Variants in SFSWAP observed in about 807,000 individuals in gnomAD.
The protein encoded by SFSWAP is splicing factor SWAP, also known as splicing factor, suppressor of white-apricot homolog.
Under a neutral mutation model 100.7 loss-of-function variants are expected in SFSWAP, and 17 were observed. The observed-to-expected ratio is 0.17, with a 90% confidence interval of 0.12 to 0.25. The LOEUF (loss-of-function observed/expected upper bound fraction) is 0.25. Among genes scored for constraint, SFSWAP ranks in the 10% least tolerant of loss-of-function variants. SFSWAP has a pLI of 1.00. For synonymous variants in SFSWAP, 504 were observed against 510.1 expected, an observed-to-expected ratio of 0.99 and a Z score of 0.16; for missense variants, 1,005 against 1,262.6, an observed-to-expected ratio of 0.80 and a Z score of 3.09.
chr12:131,726,835 G>A (rs763267142), intron 5 of SFSWAP, 105 bp from the exon 6 acceptor site: 14 of 732,298 alleles, frequency 1.9e-5, no homozygotes, highest in Non-Finnish European at 3.3e-5. Flanking sequence ...GTGTTTTTTC[G>A]ACAGATAACC....
Position 131,794,610 on chromosome 12 carries a change from T to C in SFSWAP, c.2535-2568T>C, listed in dbSNP as rs1444216438. ...GCGTGGGGTTTGTCTACATAGAGCT[T>C]TAAGCTGTGTCCTAGAAACCAGAGC... On this transcript the variant is annotated intron_variant, in intron 15 of 17. Transcript: ENST00000261674. The surrounding 1 kb of genome is among the most constrained non-coding windows in gnomAD (Gnocchi z 4.8). Among the ~76,000 whole-genome samples, 1 of 152,128 alleles carries C rather than the reference T, an allele frequency of 6.6e-6. No individual in the cohort carries two copies. The highest frequency in any genetic ancestry group is 2.4e-5 in the African/African-American group (1 of 41,424).
intron 13 of SFSWAP, among the ~76,000 whole-genome samples, chr12:131,775,884 G>A (rs897023022): frequency 1.9e-4 from 29 of 150,158 alleles, no homozygotes; most frequent in African/African-American, 6.4e-4. Context: ...GAGGCCAGGA[G>A]TTTGAGACCA....
At chr12:131,785,457 CTCT>C (rs1365041101) in intron 14 of SFSWAP, 5 of 450,620 alleles carry the variant, frequency 1.1e-5, no homozygotes, top group Non-Finnish European at 2.0e-5. Context: ...AATCAAACCG[CTCT>C]TCTTTATATT....
Position 131,730,526 on chromosome 12 carries a change from A to G in SFSWAP, c.1081+2098A>G, listed in dbSNP as rs1312572167. On this transcript the variant is annotated intron_variant, in intron 7 of 17. Transcript: ENST00000261674. This position sits in a 1 kb window ranked among gnomAD's most constrained non-coding sequence, Gnocchi z 4.0. Reference sequence around the variant, plus strand: ...TAGTGGCCGTTCTGTGACACACAGCATCCCCTGGTCTGGTGGGAATGTGAT... The same window carrying G: ...TAGTGGCCGTTCTGTGACACACAGCGTCCCCTGGTCTGGTGGGAATGTGAT... Among the ~76,000 whole-genome samples, 1 of 152,198 alleles carries G rather than the reference A, an allele frequency of 6.6e-6. No individual in the cohort carries two copies. The highest frequency in any genetic ancestry group is 1.5e-5 in the Non-Finnish European group (1 of 68,024).
Position 131,764,637 on chromosome 12 carries a change from TGAG to T in SFSWAP, c.1906_1908del (p.Glu636del), listed in dbSNP as rs1348330068. 1.2e-5 allele frequency: 20 copies of T among 1,614,162 alleles called. No homozygotes were observed. The highest frequency in any genetic ancestry group is 1.6e-5 in the Non-Finnish European group (19 of 1,180,022). On this transcript the variant is annotated inframe_deletion, in exon 12 of 18. Coordinates refer to ENST00000261674, the MANE Select transcript of SFSWAP (RefSeq NM_004592.4). The stretch of plus-strand genomic sequence containing the variant: ...CAGTTGCCCCACCCTGTGTAGTTGT[TGAG>T]GAGAAGAAGCCTCAACTTACCCAGG...
rs532801019 is a variant in SFSWAP, at chr12:131,733,362, G to T, written c.1081+4934G>T. On this transcript the variant is annotated intron_variant, in intron 7 of 17. Transcript: ENST00000261674. The surrounding 1 kb of genome is among the most constrained non-coding windows in gnomAD (Gnocchi z 5.1). ...CCTATAAGGCGCCTTTCACATTGAG[G>T]GTCTTAGGATTTGCAGTCCAGCTTT... Among the ~76,000 whole-genome samples the T allele has an allele frequency of 4.6e-5, 7 of 152,258 alleles. No individual in the cohort carries two copies. The highest frequency in any genetic ancestry group is 4.6e-4 in the Admixed American group (7 of 15,300).
At chr12:131,768,773 T>C (rs1345688535) in intron 13 of SFSWAP, among the ~76,000 whole-genome samples, 1 of 152,228 alleles carries the variant, frequency 6.6e-6, no homozygotes, top group Non-Finnish European at 1.5e-5. Context: ...GGCTGCCTCC[T>C]GGCTCCTCAC....
rs1884230300 is a variant in SFSWAP at position 131,778,770 on chromosome 12, G to A, written c.2408+440G>A. On this transcript the variant is annotated intron_variant, in intron 14 of 17. Transcript: ENST00000261674. The surrounding 1 kb of genome is among the most constrained non-coding windows in gnomAD (Gnocchi z 4.2). ...TGACCTCAGGTAATCCACCCACCTT[G>A]GCCTCCCAGAGTGCTGGGATTACAG... Among the ~76,000 whole-genome samples the A allele has an allele frequency of 6.6e-6, 1 of 152,042 alleles. No homozygotes were observed. The highest frequency in any genetic ancestry group is 1.5e-5 in the Non-Finnish European group (1 of 68,012).
intron 14 of SFSWAP, among the ~76,000 whole-genome samples, chr12:131,780,808 C>G (rs1884438162): frequency 6.6e-6 from 1 of 152,200 alleles, no homozygotes; most frequent in Non-Finnish European, 1.5e-5. Flanking sequence ...TCTACAGGCT[C>G]AAAAGGAAGC....
intron 7 of SFSWAP, among the ~76,000 whole-genome samples, chr12:131,746,535 C>T (rs1299140998): frequency 2.0e-5 from 3 of 152,224 alleles, no homozygotes; most frequent in Non-Finnish European, 4.4e-5. Context: ...CAGTGCTTTT[C>T]TGTGACTTCT....
chr12:131,769,536 A>G (rs1397668905), intron 13 of SFSWAP, among the ~76,000 whole-genome samples: 2 of 152,250 alleles, frequency 1.3e-5, no homozygotes, highest in Non-Finnish European at 2.9e-5. Context: ...GTAGTTCCGC[A>G]TCACAGCAAC....
chr12:131,711,536 A>C lies in SFSWAP; in HGVS notation c.218+89A>C. 9.0e-7 allele frequency: 1 copy of C among 1,107,610 alleles called. No homozygotes were observed. The highest frequency in any genetic ancestry group is 1.3e-6 in the Non-Finnish European group (1 of 754,982). The allele number at this position is 1,107,610 out of a possible 1,614,324, so 68.6% of individuals were successfully genotyped here. A position where few individuals can be genotyped will look rare whatever the true frequency, so the allele number is the denominator to read the frequency against. ...TGACTTGACTGCAAGGACTGCAGAG[A>C]GTTTTCTGGAGCCAGCGGGGATCTG... is the stretch of plus-strand genomic sequence containing the variant. On this transcript the variant is annotated intron_variant, in intron 1 of 17. Transcript: ENST00000261674. This position sits in a 1 kb window ranked among gnomAD's most constrained non-coding sequence, Gnocchi z 4.9.
intron 13 of SFSWAP, among the ~76,000 whole-genome samples, chr12:131,777,634 T>C (rs901861512): frequency 6.6e-6 from 1 of 152,250 alleles, no homozygotes; most frequent in Non-Finnish European, 1.5e-5. Flanking sequence ...AGCAGCATGA[T>C]TTACAATCCT....
intron 4 of SFSWAP, among the ~76,000 whole-genome samples, chr12:131,724,950 A>T (rs1878816444): frequency 6.6e-6 from 1 of 152,194 alleles, no homozygotes; most frequent in East Asian, 1.9e-4. Flanking sequence ...GTTTTGTAAG[A>T]GGGAGCCTCC....
chr12:131,733,812 G>A lies in SFSWAP; in HGVS notation c.1081+5384G>A, dbSNP rs975510487. On this transcript the variant is annotated intron_variant, in intron 7 of 17. Transcript: ENST00000261674. The surrounding 1 kb of genome is among the most constrained non-coding windows in gnomAD (Gnocchi z 5.1). ...GTGTGTTCAGGCTTGTCTTCCTGCC[G>A]CAGCGCAGCAGCCCTCCCATGCCTG... is the stretch of plus-strand genomic sequence containing the variant. Among the ~76,000 whole-genome samples the A allele has an allele frequency of 6.6e-5, 10 of 152,044 alleles. No homozygotes were observed. The highest frequency in any genetic ancestry group is 1.3e-4 in the Non-Finnish European group (9 of 67,976).
chr12:131,717,207 C>T (rs574807349), intron 3 of SFSWAP, among the ~76,000 whole-genome samples: 1 of 152,268 alleles, frequency 6.6e-6, no homozygotes, highest in African/African-American at 2.4e-5. Context: ...CCTGAGCCAT[C>T]AATATGTCTA....
chr12:131,767,861 A>T (rs1196355078), intron 13 of SFSWAP, among the ~76,000 whole-genome samples: 1 of 152,104 alleles, frequency 6.6e-6, no homozygotes, highest in African/African-American at 2.4e-5. Flanking sequence ...GAGGAGGGTG[A>T]AGATCAAAAA....
chr12:131,774,340 G>T (rs1237648164), intron 13 of SFSWAP, among the ~76,000 whole-genome samples: 1 of 152,144 alleles, frequency 6.6e-6, no homozygotes, highest in East Asian at 1.9e-4. Flanking sequence ...GGTTTGTTTT[G>T]CCACAGTAGG....
At chr12:131,727,297 A>G (rs899543073) in intron 6 of SFSWAP, among the ~76,000 whole-genome samples, 15 of 152,220 alleles carry the variant, frequency 9.9e-5, no homozygotes, top group African/African-American at 3.1e-4. Flanking sequence ...TTTTATTACA[A>G]TTTTACTCCT....
Sources: gnomAD v4.1 joint callset for allele counts (sites outside exome capture counted in the v4.1 genomes callset) on GRCh38, gnomAD v4.1.1 for gene constraint, Gnocchi (gnomAD v3.1) non-coding constraint, MANE v1.5 for transcripts, NCBI Gene and HGNC (gene_info 2026-07-23, HGNC 2026-07-21) for gene names.